Variants in RARB observed in about 807,000 individuals in gnomAD.
RARB encodes the protein HBV-activated protein.
RARB carries 17 observed loss-of-function variants against 51.9 expected under a neutral mutation model. The ratio of observed to expected loss-of-function variants is 0.33; its 90% confidence interval spans 0.22 to 0.49. The LOEUF (loss-of-function observed/expected upper bound fraction) is 0.49. Ranked by LOEUF, RARB falls within the 20% of genes least tolerant of loss-of-function variation. The pLI is 0.99. For synonymous variants in RARB, 215 were observed against 195.4 expected (o/e 1.10, Z -0.84); for missense variants, 369 against 550.8 (o/e 0.67, Z 3.30).
chr3:25,432,211 AAAAG>A (rs1486959423), intron 1 of RARB, among the ~76,000 whole-genome samples: 4 of 152,206 alleles, frequency 2.6e-5, no homozygotes, highest in African/African-American at 7.2e-5. Context: ...CTTGTAGAAA[AAAAG>A]AAATCATATT....
At chr3:25,384,894 C>A (rs1352409491) in intron 5 of RARB, among the ~76,000 whole-genome samples, 6 of 152,196 alleles carry the variant, frequency 3.9e-5, no homozygotes, top group African/African-American at 1.4e-4. Context: ...AAGTGCATTT[C>A]TTTCCTTCAT....
intron 5 of RARB, among the ~76,000 whole-genome samples, chr3:25,395,878 G>T (rs999157126): frequency 1.3e-5 from 2 of 152,060 alleles, no homozygotes; most frequent in Non-Finnish European, 2.9e-5. Context: ...ATATCTTCTT[G>T]GTTTAGATCC....
At chr3:25,011,834 A>G (rs1697401714) in intron 2 of RARB, among the ~76,000 whole-genome samples, 2 of 152,094 alleles carry the variant, frequency 1.3e-5, no homozygotes. Context: ...AGGAATTTAA[A>G]CTAATAGCAT....
intron 3 of RARB, among the ~76,000 whole-genome samples, chr3:25,092,610 C>G (rs1699218866): frequency 6.6e-6 from 1 of 152,146 alleles, no homozygotes. Context: ...ATCTTTGATT[C>G]AAATTACATG....
At chr3:25,016,237 T>C (rs1416160718) in intron 2 of RARB, among the ~76,000 whole-genome samples, 1 of 152,188 alleles carries the variant, frequency 6.6e-6, no homozygotes, top group African/African-American at 2.4e-5. Context: ...AGCATGATTG[T>C]GGGATTAAGA....
At chr3:25,532,691 C>A (rs541431610) in intron 3 of RARB, among the ~76,000 whole-genome samples, 1 of 152,304 alleles carries the variant, frequency 6.6e-6, no homozygotes, top group African/African-American at 2.4e-5. Flanking sequence ...ATATTTAACT[C>A]TCAAATTATT....
At chr3:24,974,408 C>G (rs1696466009) in intron 2 of RARB, among the ~76,000 whole-genome samples, 1 of 151,964 alleles carries the variant, frequency 6.6e-6, no homozygotes, top group African/African-American at 2.4e-5. Context: ...TGAAAAGGAG[C>G]CCACCTGGAG....
At chr3:25,399,032 T>A (rs1707194469) in intron 5 of RARB, among the ~76,000 whole-genome samples, 1 of 150,578 alleles carries the variant, frequency 6.6e-6, no homozygotes, top group African/African-American at 2.5e-5. Flanking sequence ...GCCCTCTTCT[T>A]CTGCTTCCAA....
chr3:25,485,831 A>T (rs1268965407), intron 2 of RARB, among the ~76,000 whole-genome samples: 1 of 152,016 alleles, frequency 6.6e-6, no homozygotes, highest in Non-Finnish European at 1.5e-5. Flanking sequence ...TGCTCCTCTC[A>T]CACGTTGGCT....
intron 2 of RARB, among the ~76,000 whole-genome samples, chr3:24,903,897 T>G (rs1000678840): frequency 6.6e-6 from 1 of 152,190 alleles, no homozygotes; most frequent in East Asian, 1.9e-4. Flanking sequence ...TTATATGGTA[T>G]AGTGATCTAG....
At chr3:25,313,135 GT>G in intron 5 of RARB, among the ~76,000 whole-genome samples, 1 of 152,272 alleles carries the variant, frequency 6.6e-6, no homozygotes, top group South Asian at 2.1e-4. Context: ...TCTGTTTGTT[GT>G]TTTTGTTTTT....
intron 2 of RARB, among the ~76,000 whole-genome samples, chr3:25,051,968 T>C (rs972711906): frequency 1.4e-4 from 21 of 152,190 alleles, no homozygotes; most frequent in Non-Finnish European, 2.1e-4. Context: ...CCAAATATAT[T>C]TGACACTCAT....
chr3:25,085,105 A>G (rs1699080817), intron 3 of RARB, among the ~76,000 whole-genome samples: 1 of 152,198 alleles, frequency 6.6e-6, no homozygotes, highest in African/African-American at 2.4e-5. Context: ...TTCCAAAAGC[A>G]GAATACCAAG....
At chr3:25,466,700 G>A (rs1210523815) in intron 2 of RARB, among the ~76,000 whole-genome samples, 1 of 152,066 alleles carries the variant, frequency 6.6e-6, no homozygotes, top group Non-Finnish European at 1.5e-5. Flanking sequence ...TAGTACAGAG[G>A]TTGCCAAATT....
chr3:24,984,341 G>C (rs12636070), intron 2 of RARB, among the ~76,000 whole-genome samples: 37,029 of 152,090 alleles, frequency 0.24, 4,709 homozygotes, highest in East Asian at 0.36. Context: ...ATTCATTCAA[G>C]TAGAATTTAT....
At chr3:24,997,468 C>G (rs1697066416) in intron 2 of RARB, among the ~76,000 whole-genome samples, 1 of 151,826 alleles carries the variant, frequency 6.6e-6, no homozygotes, top group African/African-American at 2.4e-5. Flanking sequence ...AGGACTTACT[C>G]CTGTCACTTT....
At chr3:25,416,079 A>T (rs1273656112) in intron 5 of RARB, among the ~76,000 whole-genome samples, 1 of 152,202 alleles carries the variant, frequency 6.6e-6, no homozygotes, top group African/African-American at 2.4e-5. Context: ...GAAGAAAAAG[A>T]TGCAACAAGG....
chr3:25,289,865 T>C (rs927431222), intron 5 of RARB, among the ~76,000 whole-genome samples: 2 of 152,202 alleles, frequency 1.3e-5, no homozygotes, highest in African/African-American at 4.8e-5. Context: ...TAAACAGTTC[T>C]TAACCGGAGA....
At chr3:24,830,324 T>C (rs1007698658) in intron 1 of RARB, among the ~76,000 whole-genome samples, 6 of 75,294 alleles carry the variant, frequency 8.0e-5, no homozygotes, top group South Asian at 4.8e-4. Flanking sequence ...CGATGTCTTG[T>C]AGGTGGACTC....
Sources: gnomAD v4.1 joint callset for allele counts (sites outside exome capture counted in the v4.1 genomes callset) on GRCh38, gnomAD v4.1.1 for gene constraint, MANE v1.5 for transcripts, NCBI Gene and HGNC (gene_info 2026-07-23, HGNC 2026-07-21) for gene names.